MTREX: variants seen among roughly 807,000 people sequenced by gnomAD.
MTREX encodes the protein exosome RNA helicase MTR4.
A neutral mutation model predicts 135.4 loss-of-function variants in MTREX; 76 were observed. The ratio of observed to expected loss-of-function variants is 0.56; its 90% CI spans 0.47 to 0.68. The LOEUF is 0.68. Ranked by LOEUF, MTREX falls within the 30% of genes least tolerant of loss-of-function variation. The probability of loss-of-function intolerance (pLI) is 0.00; values close to 1 mark genes in which losing one functional copy is unlikely to be tolerated. For synonymous variants in MTREX, 404 were observed against 401.6 expected (o/e 1.01, Z -0.07); for missense variants, 920 against 1,262.1 (o/e 0.73, Z 4.11).
intron 3 of MTREX, chr5:55,327,474 A>G (rs1233666775): frequency 2.5e-6 from 1 of 407,774 alleles, no homozygotes; most frequent in Non-Finnish European, 4.5e-6. Context: ...AGGGAGATAA[A>G]CATCAGCTTT....
At chr5:55,399,842 A>G (rs1750697515) in intron 20 of MTREX, among the ~76,000 whole-genome samples, 1 of 152,188 alleles carries the variant, frequency 6.6e-6, no homozygotes, top group Admixed American at 6.5e-5. Context: ...CTCCCTAGGC[A>G]TCAACACCAA....
At chr5:55,388,135 G>C (rs368205603) in intron 19 of MTREX, 33 bp downstream of exon 19, 13 of 1,569,422 alleles carry the variant, frequency 8.3e-6, no homozygotes, top group African/African-American at 1.4e-5. Flanking sequence ...TCTGATTTCA[G>C]ATATTCTGTA....
chr5:55,328,908 C>T (rs892410835), intron 5 of MTREX, 97 bp downstream of exon 5: 11 of 682,798 alleles, frequency 1.6e-5, no homozygotes, highest in African/African-American at 5.5e-5. Context: ...GATGGTTTTA[C>T]TTGTCCCTTT....
At chr5:55,386,221 C>T (rs10072949) in intron 18 of MTREX, among the ~76,000 whole-genome samples, 22,610 of 151,974 alleles carry the variant, frequency 0.15, 2,157 homozygotes, top group African/African-American at 0.27. Context: ...TCTACAAGCT[C>T]GGGATTACCA....
rs751185459 is a variant in MTREX at position 55,347,050 on chromosome 5, G to T, written c.1146G>T (p.Met382Ile). The change falls in exon 11 of 27, where the codon ATG (methionine) becomes ATT (isoleucine). Residue 382 changes from methionine to isoleucine, a missense_variant. Met to Ile is a conservative substitution (Grantham distance 10). This residue lies in a region of MTREX where 101 missense variants were observed against 119.1 expected (regional missense o/e 0.85). Transcript: ENST00000230640. ...TTTTCAAAATTGTGAAGATGATTATGGAAAGAAATTTCCAACCTGTGATTA... is the reference window on the plus strand; with the variant it reads ...TTTTCAAAATTGTGAAGATGATTATTGAAAGAAATTTCCAACCTGTGATTA... Reference protein sequence around the residue: ...SNVFKIVKMIMERNFQPVIIF... With the variant: ...SNVFKIVKMIIERNFQPVIIF... 1 of 1,610,152 alleles carries T rather than the reference G, an allele frequency of 6.2e-7. No individual in the cohort carries two copies. The highest frequency in any genetic ancestry group is 8.5e-7 in the Non-Finnish European group (1 of 1,178,650).
In MTREX at chr5:55,379,119, CT is replaced by C. The variant is rs1561202829; in HGVS notation, c.1984-3del. 1 of 1,603,862 alleles carries C rather than the reference CT, an allele frequency of 6.2e-7. No homozygotes were observed. ...GATTCTTGCTTACTTGCTTTTCTTT[CT>C]TTTTAGGTAAAGAATGAAGGAGATG... On this transcript the variant is annotated splice_region_variant and splice_polypyrimidine_tract_variant and intron_variant, in intron 17 of 26. Transcript: ENST00000230640.
At position 55,407,386 on chromosome 5, in the gene MTREX, C is replaced by A. The variant is rs527975074; in HGVS notation, c.2645+1798C>A. ...CAGTACTGGTCTACTGATTTATATGCTAATGTTATTGGGATTATTTCCTTC... is the reference window on the plus strand; with the variant it reads ...CAGTACTGGTCTACTGATTTATATGATAATGTTATTGGGATTATTTCCTTC... On this transcript the variant is annotated intron_variant, in intron 22 of 26. Transcript: ENST00000230640. 7.2e-5 allele frequency among the ~76,000 whole-genome samples: 11 copies of A among 152,258 alleles called. No homozygotes were observed. The South Asian group carries it at 2.3e-3, about 32-fold the overall frequency.
Position 55,416,015 on chromosome 5 carries a change from G to C in MTREX, c.2854G>C (p.Glu952Gln), listed in dbSNP as rs1467172873. The C allele has an allele frequency of 6.3e-7, 1 of 1,597,680 alleles. No homozygotes were observed. Among genetic ancestry groups the C allele is most frequent in the Non-Finnish European group, 8.5e-7 (1 of 1,174,432 alleles). ...IAKVSAEAKL[E>Q]IDEETYLSSF... ...AAAAGTTTCAGCAGAAGCCAAATTG[G>C]AAATTGATGAGGAAACTTATCTAAG... Residue 952 changes from glutamate to glutamine, a missense_variant, in exon 25 of 27, where the codon GAA (glutamate) becomes CAA (glutamine). Physicochemically the swap from Glu to Gln is conservative, Grantham distance 29. Around this residue, in one of 6 missense-constraint regions of MTREX, gnomAD observed 467 missense variants for 589.7 expected, o/e 0.79. Coordinates refer to ENST00000230640, the MANE Select transcript of MTREX (RefSeq NM_015360.5).
At chr5:55,392,823 C>G (rs1289226754) in intron 19 of MTREX, among the ~76,000 whole-genome samples, 1 of 152,154 alleles carries the variant, frequency 6.6e-6, no homozygotes, top group Non-Finnish European at 1.5e-5. Context: ...TCCTTTTAAG[C>G]TTTCTGGTTA....
At chr5:55,352,811 A>G (rs916190389) in intron 13 of MTREX, among the ~76,000 whole-genome samples, 2 of 152,226 alleles carry the variant, frequency 1.3e-5, no homozygotes, top group Admixed American at 6.5e-5. Flanking sequence ...GTGGTCCTCA[A>G]AATCACTGTG....
chr5:55,363,052 G>C (rs1750043559), intron 15 of MTREX, among the ~76,000 whole-genome samples: 1 of 151,910 alleles, frequency 6.6e-6, no homozygotes, highest in Non-Finnish European at 1.5e-5. Context: ...CTAGTCAGTG[G>C]TGTGTTCTTT....
intron 22 of MTREX, among the ~76,000 whole-genome samples, chr5:55,406,803 T>A (rs939780368): frequency 6.6e-6 from 1 of 152,218 alleles, no homozygotes; most frequent in Non-Finnish European, 1.5e-5. Context: ...ATGGCAGTCT[T>A]TATAGATCAG....
chr5:55,320,717 A>G (rs1191990507), intron 1 of MTREX, among the ~76,000 whole-genome samples: 3 of 152,318 alleles, frequency 2.0e-5, no homozygotes, highest in East Asian at 1.9e-4. Flanking sequence ...TGTAAGTGGA[A>G]TCATACAAAA....
intron 3 of MTREX, among the ~76,000 whole-genome samples, chr5:55,326,416 A>G (rs1749379181): frequency 6.6e-6 from 1 of 152,120 alleles, no homozygotes; most frequent in Non-Finnish European, 1.5e-5. Context: ...AGAAAAAAGA[A>G]AAGAAAAAAG....
intron 6 of MTREX, among the ~76,000 whole-genome samples, chr5:55,341,071 T>C (rs542452129): frequency 6.6e-6 from 1 of 152,230 alleles, no homozygotes; most frequent in Non-Finnish European, 1.5e-5. Flanking sequence ...GAGCATAAAT[T>C]AGCTTCTGAT....
intron 1 of MTREX, among the ~76,000 whole-genome samples, chr5:55,310,252 G>T (rs947261019): frequency 2.0e-5 from 3 of 152,170 alleles, no homozygotes; most frequent in Admixed American, 2.0e-4. Context: ...ACAGGAGAAC[G>T]TTAGTAGCTT....
At chr5:55,383,596 A>AT (rs1750432241) in intron 18 of MTREX, among the ~76,000 whole-genome samples, 1 of 151,692 alleles carries the variant, frequency 6.6e-6, no homozygotes, top group African/African-American at 2.4e-5. Flanking sequence ...CTGCTTTAAG[A>AT]TTTTCTCTTT....
intron 19 of MTREX, among the ~76,000 whole-genome samples, chr5:55,393,382 A>G (rs1039205789): frequency 2.0e-5 from 3 of 152,336 alleles, no homozygotes; most frequent in East Asian, 1.9e-4. Flanking sequence ...TTTAATTGCA[A>G]ATTAATCAAT....
intron 24 of MTREX, among the ~76,000 whole-genome samples, chr5:55,414,735 C>T (rs1478790096): frequency 6.6e-6 from 1 of 152,104 alleles, no homozygotes; most frequent in East Asian, 1.9e-4. Context: ...CTGCAACCTC[C>T]ACCTTCCACG....
Sources: allele counts gnomAD v4.1 joint callset (sites outside exome capture counted in the v4.1 genomes callset), GRCh38; gene constraint gnomAD v4.1.1; regional missense constraint gnomAD v4.1.1; transcripts MANE v1.5; gene names NCBI Gene and HGNC (gene_info 2026-07-23, HGNC 2026-07-21).